The following CUL9 variants were observed in gnomAD, a reference collection of about 807,000 sequenced individuals.
CUL9 encodes the protein cullin 9, also known as cullin-9.
CUL9 carries 79 observed loss-of-function variants against 272.6 expected under a neutral mutation model. The ratio of observed to expected loss-of-function variants is 0.29; its 90% CI spans 0.24 to 0.35. The LOEUF (loss-of-function observed/expected upper bound fraction) is 0.35, where lower values mean the gene tolerates loss of function less well. Ranked by LOEUF, CUL9 falls within the 10% of genes least tolerant of loss-of-function variation. The probability of loss-of-function intolerance (pLI) is 1.00; values close to 1 mark genes in which losing one functional copy is unlikely to be tolerated. For synonymous variants in CUL9, 1,186 were observed against 1,286.5 expected (o/e 0.92, Z 1.67); for missense variants, 2,532 against 3,255.6 (o/e 0.78, Z 5.41).
Position 43,184,167 on chromosome 6 carries a change from T to C in CUL9, c.-9-135T>C, listed in dbSNP as rs1772705137. 1 of 559,530 alleles carries C rather than the reference T, an allele frequency of 1.8e-6. No individual in the cohort carries two copies. Among genetic ancestry groups the C allele is most frequent in the Non-Finnish European group, 2.9e-6 (1 of 341,470 alleles). 34.7% of individuals were successfully genotyped at this position (559,530 alleles called of 1,614,324 possible). A position where few individuals can be genotyped will look rare whatever the true frequency, so the allele number is the denominator to read the frequency against. ...TTATTCCATCCTATTTTTTGCCTTT[T>C]CTGTTTGGCCTCCTAAATTCTACCA... On this transcript the variant is annotated intron_variant, in intron 1 of 40. Transcript: ENST00000252050. The surrounding 1 kb of genome is among the most constrained non-coding windows in gnomAD (Gnocchi z 4.8).
Position 43,213,044 on chromosome 6 carries a change from C to G in CUL9, c.5213-105C>G, listed in dbSNP as rs1056645769. On this transcript the variant is annotated intron_variant, in intron 26 of 40. Coordinates refer to ENST00000252050, the MANE Select transcript of CUL9 (RefSeq NM_015089.4). This position sits in a 1 kb window ranked among gnomAD's most constrained non-coding sequence, Gnocchi z 5.7. ...CTCTCTGTCTGAAAATGCTGGGGCC[C>G]TCCTCCCCATAGGGACTAGTAGGAG... 6 of 1,293,146 alleles carry G rather than the reference C, an allele frequency of 4.6e-6. No homozygotes were observed. Among genetic ancestry groups the G allele is most frequent in the Admixed American group, 2.2e-5 (1 of 45,464 alleles). The allele number at this position is 1,293,146 out of a possible 1,614,324, so 80.1% of individuals were successfully genotyped here.
chr6:43,193,414 G>A (rs1283108352), intron 9 of CUL9, among the ~76,000 whole-genome samples: 1 of 152,178 alleles, frequency 6.6e-6, no homozygotes, highest in African/African-American at 2.4e-5. Flanking sequence ...GGTTATTTTT[G>A]TTGGAGACAG....
Position 43,187,419 on chromosome 6 carries a change from C to A in CUL9, c.1561C>A (p.Leu521Ile), listed in dbSNP as rs755969849. The A allele has an allele frequency of 9.9e-6, 16 of 1,613,986 alleles. No individual in the cohort carries two copies. Among genetic ancestry groups the A allele is most frequent in the Non-Finnish European group, 1.4e-5 (16 of 1,180,008 alleles). The change falls in exon 6 of 41, where the codon CTT becomes ATT. Residue 521 changes from leucine to isoleucine, a missense_variant. Physicochemically the swap from Leu to Ile is conservative, Grantham distance 5. Coordinates refer to ENST00000252050, the MANE Select transcript of CUL9 (RefSeq NM_015089.4). ...TGAGCAGCAGCCAATTTTCCAGAAT[C>A]TTTGGAAGAACCTGGATGAGGTATT... is the stretch of plus-strand genomic sequence containing the variant. ...LCEQQPIFQN[L>I]WKNLDETLGE...
At chr6:43,198,973 G>A (rs1239928339) in intron 12 of CUL9, 118 bp downstream of exon 12, 1 of 1,318,240 alleles carries the variant, frequency 7.6e-7, no homozygotes, top group African/African-American at 1.5e-5. Flanking sequence ...TTTCACTCTT[G>A]TTGCCCAGGC....
At chr6:43,204,215 C>G (rs1757233854) in intron 20 of CUL9, 145 bp from the exon 21 acceptor site, 1 of 1,124,096 alleles carries the variant, frequency 8.9e-7, no homozygotes. Context: ...CTGACTCCAG[C>G]TGAAACAAAC....
intron 16 of CUL9, 145 bp from the exon 17 acceptor site, chr6:43,202,571 G>T (rs1774690449): frequency 3.0e-6 from 2 of 663,194 alleles, no homozygotes; most frequent in East Asian, 5.2e-5. Context: ...TTTCGTAGAG[G>T]TGGGGTCTTG....
rs772222480 is a variant in CUL9, at chr6:43,186,938, CTT to C, written c.1252-20_1252-19del. The C allele has an allele frequency of 6.2e-7, 1 of 1,612,536 alleles. No homozygotes were observed. Among genetic ancestry groups the C allele is most frequent in the East Asian group, 2.2e-5 (1 of 44,892 alleles). Reference sequence around the variant, plus strand: ...GGTTGAGCCTTCTCTATTCTGCTCTCTTTCTTCCTCCCTCATACCAGGTTTTC... The same window carrying C: ...GGTTGAGCCTTCTCTATTCTGCTCTCTCTTCCTCCCTCATACCAGGTTTTC... On this transcript the variant is annotated intron_variant, in intron 4 of 40. Coordinates refer to ENST00000252050, the MANE Select transcript of CUL9 (RefSeq NM_015089.4).
chr6:43,222,128 T>C lies in CUL9; in HGVS notation c.6847-188T>C, dbSNP rs1268077252. 4.8e-6 allele frequency: 3 copies of C among 622,112 alleles called. No individual in the cohort carries two copies. In the African/African-American group the frequency reaches 5.5e-5, roughly 11 times the overall value. 38.5% of individuals were successfully genotyped at this position (622,112 alleles called of 1,614,324 possible). A position where few individuals can be genotyped will look rare whatever the true frequency, so the allele number is the denominator to read the frequency against. Reference sequence around the variant, plus strand: ...TGTGGCTTTGAGCAAGTTCATTTACTTCTCCAAGCCTCAACAGCCTCTGCA... The same window carrying C: ...TGTGGCTTTGAGCAAGTTCATTTACCTCTCCAAGCCTCAACAGCCTCTGCA... On this transcript the variant is annotated intron_variant, in intron 35 of 40. Transcript: ENST00000252050.
At chr6:43,189,626 C>T (rs916231852) in intron 8 of CUL9, among the ~76,000 whole-genome samples, 5 of 152,240 alleles carry the variant, frequency 3.3e-5, no homozygotes, top group African/African-American at 9.6e-5. Context: ...TCACTGCAAC[C>T]TCCGCCTCCT....
At position 43,196,140 on chromosome 6, in the gene CUL9, C is replaced by G. The variant is rs200817544; in HGVS notation, c.2460C>G (p.His820Gln). ...PTFVTGRDSI[H>Q]SLFDAQMTRE... ...TTGTTACTGGCCGAGATTCTATCCA[C>G]TCTTTGTTTGATGCTCAGATGACCA... The change falls in exon 10 of 41, where the codon CAC becomes CAG. Residue 820 changes from histidine to glutamine, a missense_variant. Physicochemically the swap from His to Gln is conservative, Grantham distance 24 (BLOSUM62 0). Coordinates refer to ENST00000252050, the MANE Select transcript of CUL9 (RefSeq NM_015089.4). 6.2e-7 allele frequency: 1 copy of G among 1,614,198 alleles called. No homozygotes were observed. Among genetic ancestry groups the G allele is most frequent in the East Asian group, 2.2e-5 (1 of 44,882 alleles).
intron 20 of CUL9, 61 bp downstream of exon 20, chr6:43,204,048 C>A (rs1774853714): frequency 1.3e-6 from 2 of 1,528,786 alleles, no homozygotes; most frequent in African/African-American, 2.8e-5. Context: ...CAGGGATCAC[C>A]TGAGTTAATG....
intron 1 of CUL9, among the ~76,000 whole-genome samples, chr6:43,182,722 C>T (rs540534995): frequency 2.0e-5 from 3 of 152,158 alleles, no homozygotes; most frequent in African/African-American, 7.2e-5. Context: ...TCTCCCTCCT[C>T]TTCACCTCTA....
chr6:43,220,576 T>C lies in CUL9; in HGVS notation c.6400T>C (p.Ser2134Pro), dbSNP rs748090588. Residue 2134 changes from serine to proline, a missense_variant, in exon 32 of 41, where the codon TCC becomes CCC. Around this residue, in one of 3 missense-constraint regions of CUL9, gnomAD observed 2,218 missense variants for 2,788.6 expected, o/e 0.80. Coordinates refer to ENST00000252050, the MANE Select transcript of CUL9 (RefSeq NM_015089.4). The surrounding 1 kb of genome is among the most constrained non-coding windows in gnomAD (Gnocchi z 4.9). Reference protein sequence around the residue: ...PTGAFIRAIVSSPEVISKYEK... With the variant: ...PTGAFIRAIVPSPEVISKYEK... ...CGGAGCCTTCATTCGTGCCATCGTC[T>C]CCTCGCCAGAGGTCATCTCCAAGGT... The C allele has an allele frequency of 6.2e-7, 1 of 1,614,052 alleles. No homozygotes were observed. Among genetic ancestry groups the C allele is most frequent in the South Asian group, 1.1e-5 (1 of 91,066 alleles).
chr6:43,185,742 C>T (rs1448924118), intron 3 of CUL9, 132 bp downstream of exon 3: 1 of 1,214,478 alleles, frequency 8.2e-7, no homozygotes, highest in Non-Finnish European at 1.1e-6. Flanking sequence ...TGTCCTCCCT[C>T]CCAGCCCCTC....
In CUL9 at chr6:43,196,249, A is replaced by C; in HGVS notation, c.2569A>C (p.Met857Leu). The change falls in exon 10 of 41, where the codon ATG becomes CTG. Residue 857 changes from methionine (M) to leucine (L), a missense_variant. Met to Leu is a conservative substitution (Grantham distance 15). This residue lies in a region of CUL9 where 2,218 missense variants were observed against 2,788.6 expected (regional missense o/e 0.80). Coordinates refer to ENST00000252050, the MANE Select transcript of CUL9 (RefSeq NM_015089.4). ...CACTGTCCCTGCAGCCGTGATCCTG[A>C]TGCTGAATACTGAGGGGTCAGGGCA... is the stretch of plus-strand genomic sequence containing the variant. The part of the protein sequence containing the change: ...LLTVPAAVIL[M>L]LNTEGCSSAA... The C allele has an allele frequency of 6.2e-7, 1 of 1,613,786 alleles. No homozygotes were observed. The highest frequency in any genetic ancestry group is 8.5e-7 in the Non-Finnish European group (1 of 1,179,976).
chr6:43,224,313 C>G lies in CUL9; in HGVS notation c.7422C>G (p.Pro2474=). 1 of 1,614,156 alleles carries G rather than the reference C, an allele frequency of 6.2e-7. No individual in the cohort carries two copies. Among genetic ancestry groups the G allele is most frequent in the Non-Finnish European group, 8.5e-7 (1 of 1,180,014 alleles). Residue 2474 remains proline, a synonymous_variant, in exon 41 of 41, where the codon CCC becomes CCG. Transcript: ENST00000252050. This position sits in a 1 kb window ranked among gnomAD's most constrained non-coding sequence, Gnocchi z 4.2. ...AGGAAGACGATGAGGATGATGTGCC[C>G]GAGTGGCAGCAGGATGAGTTTGATG... ...EEEEDDEDDV[P]EWQQDEFDEE...
chr6:43,216,149 C>A lies in CUL9; in HGVS notation c.5937-9C>A, dbSNP rs1775912528. 6.3e-7 allele frequency: 1 copy of A among 1,596,704 alleles called. No individual in the cohort carries two copies. The highest frequency in any genetic ancestry group is 8.6e-7 in the Non-Finnish European group (1 of 1,166,282). On this transcript the variant is annotated splice_polypyrimidine_tract_variant and intron_variant, in intron 30 of 40. Coordinates refer to ENST00000252050, the MANE Select transcript of CUL9 (RefSeq NM_015089.4). ...GAATACTGACTTCTGTCTCTTCCCT[C>A]CCCACAAGCCCAGAAGCTGTGGCTA...
In CUL9 at chr6:43,186,296, C is replaced by T; in HGVS notation, c.1092C>T (p.Arg364=). The T allele has an allele frequency of 6.2e-7, 1 of 1,614,206 alleles. No homozygotes were observed. Among genetic ancestry groups the T allele is most frequent in the African/African-American group, 1.3e-5 (1 of 75,032 alleles). Residue 364 remains arginine (R), a synonymous_variant, in exon 4 of 41, where the codon CGC becomes CGT. Transcript: ENST00000252050. ...TTPRRQGWVF[R]QRSEFSSRSG... The stretch of plus-strand genomic sequence containing the variant: ...CCAGAAGACAAGGGTGGGTCTTCCG[C>T]CAGCGCTCTGAATTCTCCAGCCGTA...
intron 2 of CUL9, 136 bp from the exon 3 acceptor site, chr6:43,185,320 C>T: frequency 3.6e-6 from 3 of 834,116 alleles, no homozygotes; most frequent in Middle Eastern, 2.8e-4. Context: ...AACAGGTTAC[C>T]ATGTAAAATG....
Sources: allele counts gnomAD v4.1 joint callset (sites outside exome capture counted in the v4.1 genomes callset), GRCh38; gene constraint gnomAD v4.1.1; regional missense constraint gnomAD v4.1.1; non-coding constraint Gnocchi (gnomAD v3.1); transcripts MANE v1.5; gene names NCBI Gene and HGNC (gene_info 2026-07-23, HGNC 2026-07-21).